The following TSPAN18 variants were observed in gnomAD, a reference collection of about 807,000 sequenced individuals.
TSPAN18 encodes the protein tetraspanin-18.
TSPAN18 carries 14 observed loss-of-function variants against 27.3 expected under a neutral mutation model. The ratio of observed to expected loss-of-function variants is 0.51; its 90% CI spans 0.34 to 0.80. TSPAN18 has a LOEUF of 0.80. Among genes scored for constraint, TSPAN18 ranks in the 30% least tolerant of loss-of-function variants. The pLI, the probability that TSPAN18 is intolerant of heterozygous loss-of-function variation, is 0.01. For synonymous variants in TSPAN18, 143 were observed against 136.5 expected, an observed-to-expected ratio of 1.05 and a Z score of -0.33; for missense variants, 268 against 323.9, an observed-to-expected ratio of 0.83 and a Z score of 1.32.
intron 2 of TSPAN18, among the ~76,000 whole-genome samples, chr11:44,780,657 TC>T (rs1855916887): frequency 6.6e-6 from 1 of 152,224 alleles, no homozygotes; most frequent in Non-Finnish European, 1.5e-5. Context: ...GAACCAGACT[TC>T]CAGTCCTGGA....
chr11:44,894,409 G>A (rs1237138371), intron 3 of TSPAN18, among the ~76,000 whole-genome samples: 1 of 152,204 alleles, frequency 6.6e-6, no homozygotes, highest in African/African-American at 2.4e-5. Context: ...TCCACTGGGG[G>A]CTTCTCCATC....
intron 3 of TSPAN18, among the ~76,000 whole-genome samples, chr11:44,885,198 A>T (rs1384100827): frequency 1.3e-5 from 2 of 152,194 alleles, no homozygotes; most frequent in Admixed American, 6.5e-5. Context: ...TCCCCATCAC[A>T]TCGATGTCCC....
chr11:44,875,099 T>A (rs1207813281), intron 3 of TSPAN18, among the ~76,000 whole-genome samples: 5 of 152,218 alleles, frequency 3.3e-5, no homozygotes, highest in Non-Finnish European at 7.3e-5. Flanking sequence ...GACCAGCCCC[T>A]TGCAGAGGTA....
chr11:44,864,504 C>G (rs991666794), intron 3 of TSPAN18, among the ~76,000 whole-genome samples: 3 of 152,102 alleles, frequency 2.0e-5, no homozygotes, highest in East Asian at 1.9e-4. Flanking sequence ...CAGCTCAGGT[C>G]TTCAGGCTGA....
At chr11:44,897,890 T>G (rs1321355711) in intron 3 of TSPAN18, 1 of 1,282,432 alleles carries the variant, frequency 7.8e-7, no homozygotes, top group Non-Finnish European at 1.0e-6. Context: ...CCTGACACGG[T>G]CCCATCTCCA....
chr11:44,896,790 C>A (rs992482469), intron 3 of TSPAN18, among the ~76,000 whole-genome samples: 9 of 152,244 alleles, frequency 5.9e-5, no homozygotes, highest in Non-Finnish European at 1.3e-4. Flanking sequence ...CTGCCACCAC[C>A]ACCACCACCA....
intron 1 of TSPAN18, among the ~76,000 whole-genome samples, chr11:44,751,424 T>C (rs1036347587): frequency 1.3e-5 from 2 of 152,130 alleles, no homozygotes; most frequent in African/African-American, 4.8e-5. Context: ...CTTGTGCTTG[T>C]AGAATGGGGA....
At chr11:44,745,580 C>T (rs1030323524) in intron 1 of TSPAN18, among the ~76,000 whole-genome samples, 6 of 152,104 alleles carry the variant, frequency 3.9e-5, no homozygotes, top group African/African-American at 1.4e-4. Context: ...AGAAGGGGCA[C>T]GAGGTACTTC....
rs1211902324 is a variant in TSPAN18 at position 44,914,382 on chromosome 11, AAACC to A, written c.259-3589_259-3586del. Among the ~76,000 whole-genome samples the A allele has an allele frequency of 2.0e-5, 3 of 152,286 alleles. No homozygotes were observed. The East Asian group carries it at 5.8e-4, about 29-fold the overall frequency. On this transcript the variant is annotated intron_variant, in intron 5 of 9. Transcript: ENST00000520358. ...CTGGGGCTGGTCACTTAACCACTCT[AAACC>A]TTAGATTCCTCATATACAAAATGAG...
intron 8 of TSPAN18, chr11:44,926,245 G>A: frequency 5.9e-6 from 1 of 170,938 alleles, no homozygotes; most frequent in Non-Finnish European, 1.3e-5. Context: ...GGGGAGAGGG[G>A]TGGAGTGCTG....
At chr11:44,845,394 A>T (rs993469558) in intron 2 of TSPAN18, among the ~76,000 whole-genome samples, 6 of 152,250 alleles carry the variant, frequency 3.9e-5, no homozygotes, top group African/African-American at 1.4e-4. Context: ...TATCTGGCAC[A>T]TGAGTACCTC....
chr11:44,764,797 C>G (rs182171278), intron 2 of TSPAN18, among the ~76,000 whole-genome samples: 1 of 152,230 alleles, frequency 6.6e-6, no homozygotes, highest in African/African-American at 2.4e-5. Context: ...CTCCTGGGGG[C>G]TCCAGGCAGG....
chr11:44,806,042 T>C (rs1420884335), intron 2 of TSPAN18, among the ~76,000 whole-genome samples: 6 of 28,550 alleles, frequency 2.1e-4, no homozygotes, highest in African/African-American at 6.7e-4. Flanking sequence ...TATTTTTTCC[T>C]TTTTTTTTTT....
At chr11:44,758,533 T>C (rs951937421) in intron 1 of TSPAN18, among the ~76,000 whole-genome samples, 8 of 152,368 alleles carry the variant, frequency 5.3e-5, no homozygotes, top group Non-Finnish European at 1.0e-4. Context: ...TGTCTTTGTC[T>C]GGTTTTGGTA....
chr11:44,843,760 C>T (rs1028384586), intron 2 of TSPAN18, among the ~76,000 whole-genome samples: 9 of 152,348 alleles, frequency 5.9e-5, no homozygotes, highest in Admixed American at 5.9e-4. Context: ...CGATATTTCT[C>T]CCATTTGCTT....
chr11:44,806,385 A>G (rs1002308838), intron 2 of TSPAN18, among the ~76,000 whole-genome samples: 6 of 152,154 alleles, frequency 3.9e-5, no homozygotes, highest in Admixed American at 3.3e-4. Context: ...TGTAGTTCCT[A>G]ACAATTATTA....
intron 2 of TSPAN18, among the ~76,000 whole-genome samples, chr11:44,775,311 T>A (rs982378499): frequency 6.6e-6 from 1 of 152,238 alleles, no homozygotes; most frequent in Non-Finnish European, 1.5e-5. Flanking sequence ...GTATTTTATC[T>A]GGGAACCCCG....
At chr11:44,778,666 G>A (rs186368335) in intron 2 of TSPAN18, among the ~76,000 whole-genome samples, 10 of 152,262 alleles carry the variant, frequency 6.6e-5, no homozygotes, top group African/African-American at 2.2e-4. Flanking sequence ...GTTAATACCC[G>A]CATTTATTTA....
intron 2 of TSPAN18, among the ~76,000 whole-genome samples, chr11:44,806,350 G>A (rs906191501): frequency 5.3e-5 from 8 of 152,266 alleles, no homozygotes; most frequent in African/African-American, 1.7e-4. Context: ...TTAAAGCATT[G>A]TTATACTGTA....
Sources: allele counts gnomAD v4.1 joint callset (sites outside exome capture counted in the v4.1 genomes callset), GRCh38; gene constraint gnomAD v4.1.1; transcripts MANE v1.5; gene names NCBI Gene and HGNC (gene_info 2026-07-23, HGNC 2026-07-21).